The following THOC1 variants were observed in gnomAD, a reference collection of about 807,000 sequenced individuals.
The protein encoded by THOC1 is THO complex 1.
THOC1 carries 29 observed loss-of-function variants against 97.3 expected under a neutral mutation model. The observed-to-expected ratio is 0.30, with a 90% CI of 0.22 to 0.41. THOC1 has a LOEUF of 0.41. Ranked by LOEUF, THOC1 falls within the 10% of genes least tolerant of loss-of-function variation. The pLI is 1.00. For missense variants in THOC1, 529 were observed against 761.9 expected (o/e 0.69, Z 3.60); for synonymous variants, 255 against 257.0 (o/e 0.99, Z 0.07).
intron 11 of THOC1, among the ~76,000 whole-genome samples, chr18:233,816 C>T (rs1280432325): frequency 1.3e-5 from 2 of 152,128 alleles, no homozygotes; most frequent in Non-Finnish European, 2.9e-5. Context: ...TGGCTCTTTG[C>T]TTTTCCATAG....
intron 11 of THOC1, chr18:245,495 A>G (rs551347553): frequency 2.6e-5 from 4 of 152,366 alleles, no homozygotes; most frequent in African/African-American, 9.6e-5. Context: ...TGTTATCCCT[A>G]GGCTCACAAC....
At chr18:216,035 C>T (rs1055338143) in intron 19 of THOC1, among the ~76,000 whole-genome samples, 1 of 152,130 alleles carries the variant, frequency 6.6e-6, no homozygotes, top group Non-Finnish European at 1.5e-5. Flanking sequence ...CTCACTGCAA[C>T]CTCCGCCTCC....
At chr18:249,286 C>T (rs1434067905) in intron 9 of THOC1, among the ~76,000 whole-genome samples, 1 of 152,146 alleles carries the variant, frequency 6.6e-6, no homozygotes, top group Non-Finnish European at 1.5e-5. Context: ...ATGATGTACA[C>T]ATTAACTTCT....
rs200197681 is a variant in THOC1 at position 221,766 on chromosome 18, A to G, written c.1370+1674T>C. On this transcript the variant is annotated intron_variant, in intron 17 of 20. Transcript: ENST00000261600. ...TGAGACTACAGGCGCCTGCCACCAC[A>G]CTTGGCTAATTTTTTGTATTTTTAG... 4.0e-4 allele frequency among the ~76,000 whole-genome samples: 60 copies of G among 151,812 alleles called. No homozygotes were observed. In the East Asian group the frequency reaches 7.0e-3, roughly 18 times the overall value.
intron 8 of THOC1, 93 bp from the exon 9 acceptor site, chr18:252,705 G>T: frequency 9.9e-7 from 1 of 1,013,090 alleles, no homozygotes; most frequent in Non-Finnish European, 1.5e-6. Flanking sequence ...CACATTCCTA[G>T]GCAACCCACA....
In THOC1 at chr18:242,766, C is replaced by A. The variant is rs138498666; in HGVS notation, c.918+3558G>T. Among the ~76,000 whole-genome samples, 1 of 152,146 alleles carries A rather than the reference C, an allele frequency of 6.6e-6. No individual in the cohort carries two copies. The highest frequency in any genetic ancestry group is 1.5e-5 in the Non-Finnish European group (1 of 68,020). ...AAATCCAGACCTTTCTCATGACTTA[C>A]CAAATCTATATCAAAAGTTGAAAGT... On this transcript the variant is annotated intron_variant, in intron 11 of 20. Transcript: ENST00000261600. This position sits in a 1 kb window ranked among gnomAD's most constrained non-coding sequence, Gnocchi z 4.5.
intron 12 of THOC1, chr18:226,215 G>A (rs529934969): frequency 2.0e-5 from 3 of 152,416 alleles, no homozygotes; most frequent in Non-Finnish European, 2.9e-5. Flanking sequence ...AGCAGGTAGT[G>A]AAGTCATTAT....
At chr18:215,401 T>C in intron 20 of THOC1, 28 bp downstream of exon 20, 1 of 1,588,740 alleles carries the variant, frequency 6.3e-7, no homozygotes, top group East Asian at 2.2e-5. Flanking sequence ...TCAATTTTGT[T>C]AAATAACCAA....
At chr18:237,569 CA>C (rs1463275043) in intron 11 of THOC1, among the ~76,000 whole-genome samples, 1 of 151,840 alleles carries the variant, frequency 6.6e-6, no homozygotes, top group Non-Finnish European at 1.5e-5. Context: ...GCCTAAACAC[CA>C]AATGTTTTGA....
At chr18:249,116 A>G (rs1912192564) in intron 9 of THOC1, among the ~76,000 whole-genome samples, 1 of 152,214 alleles carries the variant, frequency 6.6e-6, no homozygotes, top group South Asian at 2.1e-4. Context: ...CGTGAAAATC[A>G]ACAGTGAAGA....
At chr18:227,653 G>A (rs1469557744) in intron 11 of THOC1, among the ~76,000 whole-genome samples, 1 of 152,124 alleles carries the variant, frequency 6.6e-6, no homozygotes, top group Non-Finnish European at 1.5e-5. Flanking sequence ...AACCTGCGGC[G>A]ATGAAGGAAG....
rs1474925308 is a variant in THOC1 at position 265,437 on chromosome 18, C to A, written c.128+20G>T. 1.3e-6 allele frequency: 2 copies of A among 1,585,468 alleles called. No homozygotes were observed. Among genetic ancestry groups the A allele is most frequent in the South Asian group, 1.2e-5 (1 of 85,466 alleles). On this transcript the variant is annotated intron_variant, in intron 2 of 20. Coordinates refer to ENST00000261600, the MANE Select transcript of THOC1 (RefSeq NM_005131.3). The stretch of plus-strand genomic sequence containing the variant: ...TATAAAGATTGAGGCAAGTATTTTT[C>A]ATAGATATCAATGCCTTACCTGCCA...
intron 17 of THOC1, among the ~76,000 whole-genome samples, chr18:220,352 T>C (rs745326611): frequency 6.6e-5 from 10 of 152,212 alleles, no homozygotes; most frequent in Non-Finnish European, 1.3e-4. Context: ...TTCACAAAAG[T>C]ATATTTCCTA....
At chr18:249,106 C>T (rs1371101118) in intron 9 of THOC1, among the ~76,000 whole-genome samples, 1 of 152,060 alleles carries the variant, frequency 6.6e-6, no homozygotes, top group African/African-American at 2.4e-5. Context: ...ATCTGAAGCA[C>T]GTGAAAATCA....
chr18:259,595 T>C, intron 6 of THOC1, 87 bp downstream of exon 6: 1 of 985,082 alleles, frequency 1.0e-6, no homozygotes, highest in Non-Finnish European at 1.5e-6. Flanking sequence ...ATCTTTAAAA[T>C]GTTATCACTG....
chr18:235,827 T>G (rs182490566), intron 11 of THOC1, among the ~76,000 whole-genome samples: 1 of 152,326 alleles, frequency 6.6e-6, no homozygotes, highest in East Asian at 1.9e-4. Flanking sequence ...TGCTTCTATT[T>G]GTTCTATACT....
chr18:224,817 T>C lies in THOC1; in HGVS notation c.1208+107A>G. 2.0e-5 allele frequency: 17 copies of C among 866,256 alleles called. No individual in the cohort carries two copies. The South Asian group carries it at 2.8e-4, about 14-fold the overall frequency. 53.7% of individuals were successfully genotyped at this position (866,256 alleles called of 1,614,324 possible). On this transcript the variant is annotated intron_variant, in intron 15 of 20. Coordinates refer to ENST00000261600, the MANE Select transcript of THOC1 (RefSeq NM_005131.3). ...ACTTACATTTTTTATGTGAAATATA[T>C]ACATGTATTTTTACATGCTATAATC...
chr18:239,990 A>AT (rs11385469), intron 11 of THOC1, among the ~76,000 whole-genome samples: 95,586 of 151,954 alleles, frequency 0.63, 30,242 homozygotes, highest in South Asian at 0.76. Flanking sequence ...ATTAACATTT[A>AT]AAATATGACT....
intron 11 of THOC1, among the ~76,000 whole-genome samples, chr18:238,017 C>T (rs1009037388): frequency 2.0e-5 from 3 of 152,096 alleles, no homozygotes; most frequent in East Asian, 1.9e-4. Context: ...CAGGCACGCA[C>T]CACCACGCCT....
Sources: allele counts gnomAD v4.1 joint callset (sites outside exome capture counted in the v4.1 genomes callset), GRCh38; gene constraint gnomAD v4.1.1; non-coding constraint Gnocchi (gnomAD v3.1); transcripts MANE v1.5; gene names NCBI Gene and HGNC (gene_info 2026-07-23, HGNC 2026-07-21).